PDSS2: variants seen among roughly 807,000 people sequenced by gnomAD.
PDSS2 encodes all trans-polyprenyl-diphosphate synthase PDSS2.
In PDSS2, 31 loss-of-function variants were observed where a neutral mutation model predicts 44.5. The ratio of observed to expected loss-of-function variants is 0.70; its 90% confidence interval spans 0.52 to 0.94. PDSS2 has a LOEUF of 0.94. Ranked by LOEUF, PDSS2 falls within the 40% of genes least tolerant of loss-of-function variation. The pLI, the probability that PDSS2 is intolerant of heterozygous loss-of-function variation, is 0.00. For synonymous variants in PDSS2, 157 were observed against 180.3 expected (o/e 0.87, Z 1.03); for missense variants, 452 against 482.2 (o/e 0.94, Z 0.59).
chr6:107,368,552 TA>T (rs1399546997), intron 1 of PDSS2, among the ~76,000 whole-genome samples: 8 of 152,086 alleles, frequency 5.3e-5, no homozygotes, highest in African/African-American at 1.7e-4. Flanking sequence ...AGAAGACTTT[TA>T]ACAGAAATTG....
chr6:107,181,163 CA>C (rs1172839634), intron 7 of PDSS2, among the ~76,000 whole-genome samples: 13 of 152,086 alleles, frequency 8.5e-5, no homozygotes, highest in Non-Finnish European at 4.4e-5. Context: ...TATTTTAAAC[CA>C]AGCATCAATA....
chr6:107,184,018 ACAAAG>A (rs1772079151), intron 7 of PDSS2, among the ~76,000 whole-genome samples: 1 of 130,852 alleles, frequency 7.6e-6, no homozygotes, highest in South Asian at 2.3e-4. Flanking sequence ...ACAAAACAAA[ACAAAG>A]CAAAGAAAAA....
intron 2 of PDSS2, among the ~76,000 whole-genome samples, chr6:107,298,345 A>G (rs185664849): frequency 6.6e-6 from 1 of 152,320 alleles, no homozygotes; most frequent in East Asian, 1.9e-4. Context: ...ATTATTCCCT[A>G]AATAATCTAG....
intron 1 of PDSS2, among the ~76,000 whole-genome samples, chr6:107,458,012 A>G (rs1000882614): frequency 3.9e-5 from 6 of 152,280 alleles, no homozygotes; most frequent in Non-Finnish European, 8.8e-5. Flanking sequence ...CGTGAATAGT[A>G]TATATATCTG....
At chr6:107,156,394 C>A (rs1770898409) in intron 7 of PDSS2, among the ~76,000 whole-genome samples, 1 of 151,932 alleles carries the variant, frequency 6.6e-6, no homozygotes, top group South Asian at 2.1e-4. Context: ...CAGGGTTTCA[C>A]CGTGTTAGCC....
intron 1 of PDSS2, among the ~76,000 whole-genome samples, chr6:107,337,055 ACACACACACAC>A (rs1257746739): frequency 4.0e-5 from 6 of 150,100 alleles, no homozygotes; most frequent in Non-Finnish European, 5.9e-5. Context: ...ACACACACAC[ACACACACACAC>A]ACACACACAC....
At chr6:107,285,307 C>T (rs1370906782) in intron 2 of PDSS2, among the ~76,000 whole-genome samples, 1 of 151,942 alleles carries the variant, frequency 6.6e-6, no homozygotes, top group Non-Finnish European at 1.5e-5. Context: ...AGAGGGCTGC[C>T]GTTCTAGATT....
At chr6:107,322,705 G>T (rs1238402009) in intron 2 of PDSS2, among the ~76,000 whole-genome samples, 2 of 151,952 alleles carry the variant, frequency 1.3e-5, no homozygotes, top group Non-Finnish European at 2.9e-5. Context: ...CATTAGCCAG[G>T]CATGGTACAT....
At chr6:107,278,386 C>T (rs1775856948) in intron 2 of PDSS2, among the ~76,000 whole-genome samples, 1 of 151,832 alleles carries the variant, frequency 6.6e-6, no homozygotes, top group Non-Finnish European at 1.5e-5. Flanking sequence ...TTAAAATTAC[C>T]GTTTAAAAAG....
intron 1 of PDSS2, among the ~76,000 whole-genome samples, chr6:107,458,663 A>ATT (rs397705742): frequency 6.6e-6 from 1 of 151,368 alleles, no homozygotes; most frequent in Admixed American, 6.6e-5. Context: ...AAAAAAAAAA[A>ATT]TTTCTAGGAA....
chr6:107,351,819 T>A (rs919188726), intron 1 of PDSS2, among the ~76,000 whole-genome samples: 16 of 152,306 alleles, frequency 1.1e-4, no homozygotes, highest in African/African-American at 3.8e-4. Context: ...AATGTTCTTT[T>A]AACTAATCAT....
At position 107,335,057 on chromosome 6, in the gene PDSS2, A is replaced by G. The variant is rs143749458; in HGVS notation, c.297-725T>C. On this transcript the variant is annotated intron_variant, in intron 1 of 7. Transcript: ENST00000369037. ...GTCTCAGCTACTCAGGAGGCTGACG[A>G]CGGAGAATGATTTGAGCCCAGGGTT... Among the ~76,000 whole-genome samples the G allele has an allele frequency of 5.5e-4, 83 of 151,480 alleles. No individual in the cohort carries two copies. In the East Asian group the frequency reaches 0.016, roughly 29 times the overall value.
At chr6:107,249,784 A>T (rs1442945768) in intron 3 of PDSS2, among the ~76,000 whole-genome samples, 5 of 152,184 alleles carry the variant, frequency 3.3e-5, no homozygotes, top group South Asian at 2.1e-4. Context: ...ATAGGACAGT[A>T]AATGGACAGT....
chr6:107,159,677 C>T (rs1562340760), intron 7 of PDSS2, among the ~76,000 whole-genome samples: 1 of 151,850 alleles, frequency 6.6e-6, no homozygotes, highest in Non-Finnish European at 1.5e-5. Context: ...CTCGGCCTCC[C>T]AAAGTGCTGG....
At chr6:107,156,099 A>C (rs918240631) in intron 7 of PDSS2, among the ~76,000 whole-genome samples, 91 of 151,450 alleles carry the variant, frequency 6.0e-4, no homozygotes, top group Admixed American at 1.1e-3. Flanking sequence ...CATGTTGGCC[A>C]GGCTGGTCTC....
intron 1 of PDSS2, among the ~76,000 whole-genome samples, chr6:107,379,359 G>T (rs75994409): frequency 6.6e-6 from 1 of 152,152 alleles, no homozygotes; most frequent in Non-Finnish European, 1.5e-5. Context: ...ATGTGCACTT[G>T]AGAAAAGGAT....
intron 1 of PDSS2, among the ~76,000 whole-genome samples, chr6:107,421,264 T>C (rs1419887279): frequency 6.6e-6 from 1 of 152,186 alleles, no homozygotes; most frequent in African/African-American, 2.4e-5. Flanking sequence ...GTACAGCTAC[T>C]CTGGAAAACA....
chr6:107,446,406 T>C (rs892822349), intron 1 of PDSS2, among the ~76,000 whole-genome samples: 1 of 152,114 alleles, frequency 6.6e-6, no homozygotes, highest in Admixed American at 6.5e-5. Flanking sequence ...AATGGTGAAA[T>C]CATGTAATAG....
At chr6:107,277,740 G>A (rs907582373) in intron 2 of PDSS2, among the ~76,000 whole-genome samples, 1 of 152,104 alleles carries the variant, frequency 6.6e-6, no homozygotes, top group African/African-American at 2.4e-5. Context: ...ATCACCTGAG[G>A]TAAGGAGTTC....
Sources: gnomAD v4.1 joint callset for allele counts (sites outside exome capture counted in the v4.1 genomes callset) on GRCh38, gnomAD v4.1.1 for gene constraint, MANE v1.5 for transcripts, NCBI Gene and HGNC (gene_info 2026-07-23, HGNC 2026-07-21) for gene names.